The following GLYATL1 variants were observed in gnomAD, a reference collection of about 807,000 sequenced individuals.
GLYATL1 encodes glycine N-acyltransferase-like protein 1.
A neutral mutation model predicts 20.0 loss-of-function variants in GLYATL1; 15 were observed. The ratio of observed to expected loss-of-function variants is 0.75; its 90% CI spans 0.50 to 1.15. The LOEUF (loss-of-function observed/expected upper bound fraction) is 1.15, where lower values mean the gene tolerates loss of function less well. Ranked by LOEUF, GLYATL1 falls within the 50% of genes most tolerant of loss-of-function variation. GLYATL1 has a pLI of 0.00. For missense variants in GLYATL1, 380 were observed against 368.5 expected (o/e 1.03, Z -0.26); for synonymous variants, 151 against 131.5 (o/e 1.15, Z -1.01).
chr11:58,916,192 T>C (rs763065724), intron 1 of GLYATL1, among the ~76,000 whole-genome samples: 14 of 152,196 alleles, frequency 9.2e-5, no homozygotes, highest in African/African-American at 1.2e-4. Flanking sequence ...GTACTGCCAC[T>C]TTCACTCTTT....
upstream of GLYATL1, chr11:58,935,564 G>T (rs1855795853): frequency 6.6e-6 from 1 of 152,058 alleles, no homozygotes. Flanking sequence ...TGTTTAAATT[G>T]ATGTTTCTGT....
At chr11:58,935,844 T>C (rs1855809710), upstream of GLYATL1, 1 of 152,212 alleles carries the variant, frequency 6.6e-6, no homozygotes, top group Non-Finnish European at 1.5e-5. Context: ...TTGTGATAGT[T>C]TCATGAGTAT....
chr11:58,923,294 G>A (rs904890137), upstream of GLYATL1, among the ~76,000 whole-genome samples: 2 of 152,146 alleles, frequency 1.3e-5, no homozygotes, highest in African/African-American at 4.8e-5. Context: ...AACAAACTAC[G>A]TGCAATTGCT....
chr11:58,943,527 G>T lies in GLYATL1; in HGVS notation c.-166-16G>T. On this transcript the variant is annotated splice_polypyrimidine_tract_variant and intron_variant, in intron 1 of 6. Transcript: ENST00000532726. ...CTCCTTTAAGTTTAATTCAGCTGAAGTTTTTCTTTTATCAGATGGTGTCAC... is the reference window on the plus strand; with the variant it reads ...CTCCTTTAAGTTTAATTCAGCTGAATTTTTTCTTTTATCAGATGGTGTCAC... 6.3e-7 allele frequency: 1 copy of T among 1,598,702 alleles called. No individual in the cohort carries two copies.
At chr11:58,914,487 TA>T (rs1180360419) in intron 1 of GLYATL1, among the ~76,000 whole-genome samples, 1 of 152,182 alleles carries the variant, frequency 6.6e-6, no homozygotes, top group Non-Finnish European at 1.5e-5. Context: ...TAAGGTAAGC[TA>T]ATATCATTAC....
At chr11:58,940,547 G>C (rs905697063) in intron 1 of GLYATL1, among the ~76,000 whole-genome samples, 1 of 152,200 alleles carries the variant, frequency 6.6e-6, no homozygotes, top group Non-Finnish European at 1.5e-5. Flanking sequence ...AGTGCTCATA[G>C]ATTAAGTAAA....
At chr11:58,907,706 T>C (rs1258403528) in exon 2 of GLYATL1, 1 of 199,834 alleles carries the variant, frequency 5.0e-6, no homozygotes, top group Non-Finnish European at 1.0e-5. Flanking sequence ...CAAGCTTTGT[T>C]AATTTCACAA....
downstream of GLYATL1, among the ~76,000 whole-genome samples, chr11:58,910,388 T>C (rs952099695): frequency 1.3e-5 from 2 of 152,158 alleles, no homozygotes; most frequent in Non-Finnish European, 2.9e-5. Flanking sequence ...TTCAAGACAG[T>C]TGCCATAATC....
At chr11:58,905,795 G>C in intron 1 of GLYATL1, 1 of 384,630 alleles carries the variant, frequency 2.6e-6, no homozygotes, top group Non-Finnish European at 5.3e-6. Flanking sequence ...TGACCCGCCC[G>C]CGAGCGCGTG....
chr11:58,909,355 T>TTTAA (rs1357822608), downstream of GLYATL1, among the ~76,000 whole-genome samples: 3 of 152,166 alleles, frequency 2.0e-5, no homozygotes, highest in Non-Finnish European at 1.5e-5. Context: ...TATACTTAAA[T>TTTAA]TATTGCTAAA....
chr11:58,919,654 A>G (rs1286644470), intron 1 of GLYATL1, among the ~76,000 whole-genome samples: 2 of 152,128 alleles, frequency 1.3e-5, no homozygotes, highest in Admixed American at 6.5e-5. Flanking sequence ...AAACACCAAC[A>G]TGTACCAATA....
rs114022229 is a variant in GLYATL1 at position 58,949,318 on chromosome 11, A to T, written c.186+1353A>T. On this transcript the variant is annotated intron_variant, in intron 4 of 6. Coordinates refer to ENST00000532726, the MANE Select transcript of GLYATL1 (RefSeq NM_001389712.2). ...AGGATTCGGATGCAGAAAGTGACAAAGTGACCCTAGCTTGAGGAACAAAGG... is the reference window on the plus strand; with the variant it reads ...AGGATTCGGATGCAGAAAGTGACAATGTGACCCTAGCTTGAGGAACAAAGG... Among the ~76,000 whole-genome samples the T allele has an allele frequency of 8.3e-3, 1,259 of 152,314 alleles. 18 individuals carry two copies. The highest frequency in any genetic ancestry group is 0.028 in the African/African-American group (1,166 of 41,574).
chr11:58,956,144 T>C lies in GLYATL1; in HGVS notation c.*117T>C. On this transcript the variant is annotated 3_prime_UTR_variant, in exon 7 of 7. Transcript: ENST00000532726. Reference sequence around the variant, plus strand: ...TGGGCACTTATAATACAGCAGGAACTCTTCTCACCTGGAGCCTTGATGTTA... The same window carrying C: ...TGGGCACTTATAATACAGCAGGAACCCTTCTCACCTGGAGCCTTGATGTTA... The C allele has an allele frequency of 1.1e-6, 1 of 870,468 alleles. No individual in the cohort carries two copies. Among genetic ancestry groups the C allele is most frequent in the Non-Finnish European group, 1.8e-6 (1 of 565,692 alleles). 53.9% of individuals were successfully genotyped at this position (870,468 alleles called of 1,614,324 possible). A position where few individuals can be genotyped will look rare whatever the true frequency, so the allele number is the denominator to read the frequency against.
At chr11:58,930,670 A>G (rs1163425034) in intron 1 of GLYATL1, among the ~76,000 whole-genome samples, 1 of 152,238 alleles carries the variant, frequency 6.6e-6, no homozygotes, top group African/African-American at 2.4e-5. Context: ...AAATGTAAAA[A>G]TGATTTGTTA....
At chr11:58,932,772 T>C (rs1855659607) in intron 1 of GLYATL1, among the ~76,000 whole-genome samples, 1 of 152,366 alleles carries the variant, frequency 6.6e-6, no homozygotes, top group African/African-American at 2.4e-5. Flanking sequence ...ATACCTTTAC[T>C]ACATATATAT....
At chr11:58,932,663 A>G (rs1855654907) in intron 1 of GLYATL1, among the ~76,000 whole-genome samples, 1 of 152,262 alleles carries the variant, frequency 6.6e-6, no homozygotes, top group Non-Finnish European at 1.5e-5. Context: ...TTCATCAACT[A>G]CAATGAACCT....
chr11:58,926,538 G>T (rs1005070379), upstream of GLYATL1, among the ~76,000 whole-genome samples: 2 of 152,188 alleles, frequency 1.3e-5, no homozygotes, highest in Non-Finnish European at 2.9e-5. Context: ...AGTAAACCTA[G>T]ATCCAGTGAT....
At chr11:58,925,715 C>T (rs1239345146), upstream of GLYATL1, among the ~76,000 whole-genome samples, 1 of 152,138 alleles carries the variant, frequency 6.6e-6, no homozygotes, top group African/African-American at 2.4e-5. Flanking sequence ...GAGGTTTTAG[C>T]AAAGTGTTTT....
At chr11:58,943,108 A>G (rs552109225) in intron 1 of GLYATL1, 1 of 613,548 alleles carries the variant, frequency 1.6e-6, no homozygotes, top group East Asian at 3.2e-5. Flanking sequence ...TTTGCTACAA[A>G]CTGTTGAAAC....
Sources: allele counts gnomAD v4.1 joint callset (sites outside exome capture counted in the v4.1 genomes callset), GRCh38; gene constraint gnomAD v4.1.1; transcripts MANE v1.5; gene names NCBI Gene and HGNC (gene_info 2026-07-23, HGNC 2026-07-21).